Variants in EEF1AKMT2 observed in about 807,000 individuals in gnomAD.
EEF1AKMT2 encodes the protein eukaryotic translation elongation factor 1 alpha lysine methyltransferase 2.
In EEF1AKMT2, 32 loss-of-function variants were observed where a neutral mutation model predicts 35.8. The ratio of observed to expected loss-of-function variants is 0.89; its 90% CI spans 0.67 to 1.20. The LOEUF (loss-of-function observed/expected upper bound fraction) is 1.20, where lower values mean the gene tolerates loss of function less well. Among genes scored for constraint, EEF1AKMT2 ranks in the 50% most tolerant of loss-of-function variants. The pLI, the probability that EEF1AKMT2 is intolerant of heterozygous loss-of-function variation, is 0.00. For synonymous variants in EEF1AKMT2, 121 were observed against 133.7 expected (o/e 0.91, Z 0.65); for missense variants, 330 against 347.5 (o/e 0.95, Z 0.40).
chr10:124,791,802 G>GCGC lies in EEF1AKMT2; in HGVS notation c.29_31dup (p.Gly10dup), dbSNP rs1950638444. ...CTTGTCCGACCGCGCCGCCACCGCA[G>GCGC]CGCCACCGCCGCCGTCAGCGCCCGA... On this transcript the variant is annotated inframe_insertion, in exon 1 of 7. Coordinates refer to ENST00000368836, the MANE Select transcript of EEF1AKMT2 (RefSeq NM_212554.4). 1 of 1,588,922 alleles carries GCGC rather than the reference G, an allele frequency of 6.3e-7. No homozygotes were observed. Among genetic ancestry groups the GCGC allele is most frequent in the African/African-American group, 1.3e-5 (1 of 74,418 alleles).
At chr10:124,770,890 T>C (rs1026059648) in intron 4 of EEF1AKMT2, among the ~76,000 whole-genome samples, 1 of 152,216 alleles carries the variant, frequency 6.6e-6, no homozygotes, top group Non-Finnish European at 1.5e-5. Flanking sequence ...CAGTTACACC[T>C]TCTGGCTCCA....
At position 124,778,888 on chromosome 10, in the gene EEF1AKMT2, C is replaced by T. The variant is rs147692689; in HGVS notation, c.292-4106G>A. Among the ~76,000 whole-genome samples the T allele has an allele frequency of 9.9e-5, 15 of 151,862 alleles. No individual in the cohort carries two copies. In the East Asian group the frequency reaches 2.9e-3, roughly 29 times the overall value. ...AAGATAGTAAAAGAAAAATAGTAAC[C>T]TAAAATGATATAGCAAAAACATCCA... On this transcript the variant is annotated intron_variant, in intron 3 of 6. Transcript: ENST00000368836.
intron 4 of EEF1AKMT2, among the ~76,000 whole-genome samples, chr10:124,769,065 C>CA (rs561050048): frequency 0.012 from 1,731 of 147,598 alleles, 14 homozygotes; most frequent in Non-Finnish European, 0.019. Context: ...CCCATCTCTA[C>CA]AAAAAAATTA....
intron 4 of EEF1AKMT2, among the ~76,000 whole-genome samples, chr10:124,773,255 T>A (rs971225819): frequency 6.6e-6 from 1 of 152,192 alleles, no homozygotes; most frequent in Admixed American, 6.5e-5. Flanking sequence ...TGGAGTGCAG[T>A]GGCACAATCT....
intron 5 of EEF1AKMT2, among the ~76,000 whole-genome samples, chr10:124,763,413 G>A (rs1459465828): frequency 6.6e-6 from 1 of 152,198 alleles, no homozygotes. Context: ...TTTATTTTAT[G>A]CAAAGAGAAT....
At chr10:124,779,747 CAAAAAAA>C (rs34475748) in intron 3 of EEF1AKMT2, among the ~76,000 whole-genome samples, 21 of 28,186 alleles carry the variant, frequency 7.5e-4, no homozygotes, top group South Asian at 7.2e-3. Context: ...GACTCCATCT[CAAAAAAA>C]AAAAAAAAAA....
chr10:124,777,947 T>C (rs1950501868), intron 3 of EEF1AKMT2, among the ~76,000 whole-genome samples: 1 of 152,174 alleles, frequency 6.6e-6, no homozygotes, highest in Non-Finnish European at 1.5e-5. Flanking sequence ...TATGACTATA[T>C]ATACATACAC....
chr10:124,779,137 C>T (rs1203030682), intron 3 of EEF1AKMT2, among the ~76,000 whole-genome samples: 2 of 151,644 alleles, frequency 1.3e-5, no homozygotes. Context: ...CAATCTTTTT[C>T]TTTTTTTTAT....
intron 3 of EEF1AKMT2, among the ~76,000 whole-genome samples, chr10:124,781,618 C>CA (rs34232151): frequency 0.65 from 65,181 of 100,864 alleles, 20,249 homozygotes; most frequent in South Asian, 0.69. Context: ...TATATTCAGC[C>CA]AAAAAAAAAA....
intron 6 of EEF1AKMT2, among the ~76,000 whole-genome samples, chr10:124,762,008 T>C (rs1950335668): frequency 6.6e-6 from 1 of 152,236 alleles, no homozygotes; most frequent in African/African-American, 2.4e-5. Context: ...AATATTTTTT[T>C]CTTGAGGCAG....
intron 2 of EEF1AKMT2, among the ~76,000 whole-genome samples, chr10:124,790,037 G>A (rs577031762): frequency 1.3e-4 from 19 of 151,938 alleles, no homozygotes; most frequent in East Asian, 1.9e-4. Flanking sequence ...GACTACAGGC[G>A]CGCGCCACCA....
At chr10:124,762,899 A>T (rs1950344419) in intron 5 of EEF1AKMT2, among the ~76,000 whole-genome samples, 1 of 152,128 alleles carries the variant, frequency 6.6e-6, no homozygotes, top group Admixed American at 6.5e-5. Context: ...GTCTGTATAA[A>T]TTTTCCAGGA....
At chr10:124,787,665 G>C (rs1304901651) in intron 3 of EEF1AKMT2, among the ~76,000 whole-genome samples, 2 of 151,656 alleles carry the variant, frequency 1.3e-5, no homozygotes, top group Non-Finnish European at 2.9e-5. Context: ...AGGATCGCTT[G>C]AGCCTGAGAG....
In EEF1AKMT2 at chr10:124,760,140, T is replaced by C; in HGVS notation, c.*363A>G. ...TACTACTTTAAAGTTTTTAACTGTTTAGCAGTTATAGGAAATTTTTTTAAT... is the reference window on the plus strand; with the variant it reads ...TACTACTTTAAAGTTTTTAACTGTTCAGCAGTTATAGGAAATTTTTTTAAT... On this transcript the variant is annotated 3_prime_UTR_variant, in exon 7 of 7. Coordinates refer to ENST00000368836, the MANE Select transcript of EEF1AKMT2 (RefSeq NM_212554.4). 1 of 381,112 alleles carries C rather than the reference T, an allele frequency of 2.6e-6. No individual in the cohort carries two copies. The highest frequency in any genetic ancestry group is 6.8e-4 in the Middle Eastern group (1 of 1,468). The allele number at this position is 381,112 out of a possible 1,614,324, so 23.6% of individuals were successfully genotyped here. A position where few individuals can be genotyped will look rare whatever the true frequency, so the allele number is the denominator to read the frequency against.
chr10:124,769,128 G>C (rs755422209), intron 4 of EEF1AKMT2, among the ~76,000 whole-genome samples: 2 of 147,898 alleles, frequency 1.4e-5, no homozygotes, highest in African/African-American at 5.0e-5. Context: ...TTTGGTGGAA[G>C]AATCACTTGA....
intron 4 of EEF1AKMT2, among the ~76,000 whole-genome samples, chr10:124,771,996 A>T (rs554836138): frequency 3.3e-5 from 5 of 152,346 alleles, no homozygotes; most frequent in African/African-American, 1.2e-4. Context: ...AAATGGGCTT[A>T]AAATACTCAG....
chr10:124,776,239 T>TA (rs1950486118), intron 3 of EEF1AKMT2, among the ~76,000 whole-genome samples: 1 of 152,160 alleles, frequency 6.6e-6, no homozygotes, highest in South Asian at 2.1e-4. Flanking sequence ...AAATCACAAA[T>TA]AGATGTTTTA....
intron 6 of EEF1AKMT2, among the ~76,000 whole-genome samples, chr10:124,761,409 T>C (rs562946029): frequency 2.6e-4 from 40 of 152,266 alleles, no homozygotes; most frequent in African/African-American, 8.9e-4. Context: ...TATAAAATGG[T>C]ATGTTATGTG....
intron 4 of EEF1AKMT2, among the ~76,000 whole-genome samples, chr10:124,769,273 A>C (rs138442984): frequency 7.4e-6 from 1 of 134,240 alleles, no homozygotes; most frequent in East Asian, 2.3e-4. Context: ...AAACGAACAG[A>C]ATTGGATATA....
Sources: gnomAD v4.1 joint callset for allele counts (sites outside exome capture counted in the v4.1 genomes callset) on GRCh38, gnomAD v4.1.1 for gene constraint, MANE v1.5 for transcripts, NCBI Gene and HGNC (gene_info 2026-07-23, HGNC 2026-07-21) for gene names.